Variants in ZNF423 observed in about 807,000 individuals in gnomAD.
ZNF423 encodes the protein Ebf-associated zinc finger protein.
A neutral mutation model predicts 95.8 loss-of-function variants in ZNF423; 12 were observed. The ratio of observed to expected loss-of-function variants is 0.13; its 90% CI spans 0.08 to 0.20. ZNF423 has a LOEUF of 0.20. ZNF423 is among the 10% of genes least tolerant of loss of function. The pLI, the probability that ZNF423 is intolerant of heterozygous loss-of-function variation, is 1.00. For synonymous variants in ZNF423, 749 were observed against 711.9 expected (o/e 1.05, Z -0.83); for missense variants, 1,316 against 1,737.1 (o/e 0.76, Z 4.31).
In ZNF423 at chr16:49,842,410, AAGGCAGGCAGGC is replaced by A. The variant is rs1211045896; in HGVS notation, c.40+13313_40+13324del. Among the ~76,000 whole-genome samples, 588 of 77,896 alleles carry A rather than the reference AAGGCAGGCAGGC, an allele frequency of 7.5e-3. 9 individuals carry two copies. Among genetic ancestry groups the A allele is most frequent in the African/African-American group, 0.024 (549 of 22,666 alleles). The allele number at this position is 77,896 out of a possible 152,430, so 51.1% of individuals were successfully genotyped here. A position where few individuals can be genotyped will look rare whatever the true frequency, so the allele number is the denominator to read the frequency against. ...GAAGGAAGGAAGGAAGGAAGGAAGG[AAGGCAGGCAGGC>A]AGGCAGGCAGGCAGGCAGGCAGGCA... On this transcript the variant is annotated intron_variant, in intron 1 of 7. Coordinates refer to ENST00000563137, the MANE Select transcript of ZNF423 (RefSeq NM_001379286.1).
At chr16:49,829,593 G>A (rs16948031) in intron 1 of ZNF423, among the ~76,000 whole-genome samples, 32,784 of 152,100 alleles carry the variant, frequency 0.22, 3,797 homozygotes, top group African/African-American at 0.31. Flanking sequence ...CCAGGAAGGC[G>A]GCTGAACTGT....
At chr16:49,826,383 G>A (rs2035005413) in intron 1 of ZNF423, among the ~76,000 whole-genome samples, 1 of 152,200 alleles carries the variant, frequency 6.6e-6, no homozygotes, top group Admixed American at 6.5e-5. Context: ...GCACGCAGCA[G>A]CAGGGGCTAC....
At chr16:49,700,570 G>A (rs1008843114) in intron 3 of ZNF423, among the ~76,000 whole-genome samples, 2 of 152,358 alleles carry the variant, frequency 1.3e-5, no homozygotes, top group African/African-American at 4.8e-5. Flanking sequence ...GCTGGAGAAA[G>A]GAAAGGGATC....
intron 3 of ZNF423, among the ~76,000 whole-genome samples, chr16:49,710,821 G>A (rs2032520071): frequency 6.6e-6 from 1 of 152,224 alleles, no homozygotes; most frequent in Non-Finnish European, 1.5e-5. Context: ...GCCAGCCTGA[G>A]AGGACCCAGA....
At chr16:49,544,777 G>C (rs1969382804) in intron 5 of ZNF423, among the ~76,000 whole-genome samples, 1 of 152,256 alleles carries the variant, frequency 6.6e-6, no homozygotes, top group Non-Finnish European at 1.5e-5. Flanking sequence ...TTTTGCCCTT[G>C]CTGGGCTCAC....
At chr16:49,524,516 G>C (rs1968526602) in intron 6 of ZNF423, among the ~76,000 whole-genome samples, 1 of 152,122 alleles carries the variant, frequency 6.6e-6, no homozygotes, top group Admixed American at 6.5e-5. Context: ...GGAGCCCCAG[G>C]GGTGTGTGTT....
At chr16:49,771,440 A>G (rs1180091164) in intron 2 of ZNF423, among the ~76,000 whole-genome samples, 1 of 152,032 alleles carries the variant, frequency 6.6e-6, no homozygotes. Context: ...CCTGACCTCA[A>G]GTGATCCTCC....
intron 1 of ZNF423, among the ~76,000 whole-genome samples, chr16:49,834,809 A>G (rs751634312): frequency 1.3e-5 from 2 of 151,934 alleles, no homozygotes; most frequent in African/African-American, 4.8e-5. Flanking sequence ...GAGCGCCAGG[A>G]TCAGAGCCGC....
chr16:49,809,973 G>A (rs1024730957), intron 1 of ZNF423, among the ~76,000 whole-genome samples: 8 of 151,146 alleles, frequency 5.3e-5, no homozygotes, highest in African/African-American at 1.9e-4. Context: ...TCCTTCCCTC[G>A]AGGACAGGGG....
chr16:49,856,313 C>T (rs2035369383), upstream of ZNF423, among the ~76,000 whole-genome samples: 1 of 147,284 alleles, frequency 6.8e-6, no homozygotes, highest in Admixed American at 6.8e-5. Flanking sequence ...CAGCCCGGTG[C>T]GGAGCTCACA....
chr16:49,809,862 CA>C (rs2143951669), intron 1 of ZNF423, among the ~76,000 whole-genome samples: 1 of 152,200 alleles, frequency 6.6e-6, no homozygotes, highest in East Asian at 1.9e-4. Context: ...AGCAGGACAC[CA>C]GGGGAAGCCT....
chr16:49,674,369 G>A (rs867926057), intron 3 of ZNF423, among the ~76,000 whole-genome samples: 2 of 152,176 alleles, frequency 1.3e-5, no homozygotes, highest in Non-Finnish European at 1.5e-5. Flanking sequence ...TTCTCGGCTG[G>A]GGAGCAGTCC....
At chr16:49,604,500 A>G (rs1385925402) in intron 5 of ZNF423, among the ~76,000 whole-genome samples, 1 of 152,144 alleles carries the variant, frequency 6.6e-6, no homozygotes, top group Non-Finnish European at 1.5e-5. Context: ...CCAGTGATCT[A>G]GTGGCCTCGT....
intron 5 of ZNF423, among the ~76,000 whole-genome samples, chr16:49,610,390 A>G (rs1971684176): frequency 1.3e-5 from 2 of 152,182 alleles, no homozygotes; most frequent in African/African-American, 4.8e-5. Flanking sequence ...TAAGACAGTC[A>G]TAAGTAGGGA....
At chr16:49,805,835 A>G (rs1370218769) in intron 1 of ZNF423, among the ~76,000 whole-genome samples, 1 of 152,230 alleles carries the variant, frequency 6.6e-6, no homozygotes, top group East Asian at 1.9e-4. Context: ...ACAGGTAAAG[A>G]TCTCAGCTTA....
chr16:49,796,809 T>C (rs1597017549), intron 1 of ZNF423, among the ~76,000 whole-genome samples: 1 of 152,278 alleles, frequency 6.6e-6, no homozygotes, highest in East Asian at 1.9e-4. Context: ...TGAGCTGCTG[T>C]GCACAGGCAC....
chr16:49,702,911 A>G (rs879373671), intron 3 of ZNF423, among the ~76,000 whole-genome samples: 284 of 21,040 alleles, frequency 0.013, no homozygotes, highest in Non-Finnish European at 0.03. Flanking sequence ...GTGCACACGC[A>G]CACACACACA....
chr16:49,594,247 C>T (rs1419344582), intron 5 of ZNF423, among the ~76,000 whole-genome samples: 1 of 152,114 alleles, frequency 6.6e-6, no homozygotes, highest in Non-Finnish European at 1.5e-5. Flanking sequence ...ACTTCCCTCC[C>T]ATGCGCCATC....
intron 3 of ZNF423, among the ~76,000 whole-genome samples, chr16:49,717,849 G>A (rs1014747491): frequency 3.3e-5 from 5 of 152,254 alleles, no homozygotes; most frequent in African/African-American, 7.2e-5. Flanking sequence ...CTGACATAGC[G>A]TCAGAGCACA....
Sources: allele counts gnomAD v4.1 joint callset (sites outside exome capture counted in the v4.1 genomes callset), GRCh38; gene constraint gnomAD v4.1.1; transcripts MANE v1.5; gene names NCBI Gene and HGNC (gene_info 2026-07-23, HGNC 2026-07-21).